The following BRD7 variants were observed in gnomAD, a reference collection of about 807,000 sequenced individuals.
BRD7 encodes the protein bromodomain containing 7.
A neutral mutation model predicts 82.1 loss-of-function variants in BRD7; 15 were observed. The observed-to-expected ratio is 0.18, with a 90% CI of 0.12 to 0.28. BRD7 has a LOEUF of 0.28. BRD7 is among the 10% of genes least tolerant of loss of function. BRD7 has a pLI of 1.00. For synonymous variants in BRD7, 232 were observed against 266.9 expected (o/e 0.87, Z 1.27); for missense variants, 638 against 779.9 (o/e 0.82, Z 2.17).
intron 6 of BRD7, among the ~76,000 whole-genome samples, chr16:50,335,801 T>A (rs1185782260): frequency 2.0e-5 from 3 of 152,226 alleles, no homozygotes; most frequent in Non-Finnish European, 2.9e-5. Flanking sequence ...CTGTCACTCA[T>A]GTTGGGCCTT....
chr16:50,345,819 G>T (rs1339163454), intron 5 of BRD7, among the ~76,000 whole-genome samples: 1 of 151,856 alleles, frequency 6.6e-6, no homozygotes, highest in Non-Finnish European at 1.5e-5. Flanking sequence ...CAATAATAAT[G>T]CAAAACTTTA....
intron 5 of BRD7, among the ~76,000 whole-genome samples, chr16:50,341,068 A>G (rs2038027600): frequency 6.6e-6 from 1 of 152,118 alleles, no homozygotes; most frequent in Non-Finnish European, 1.5e-5. Flanking sequence ...TAAATTTGGT[A>G]TTAAAGTGGA....
chr16:50,360,750 A>G (rs2038907067), intron 2 of BRD7, among the ~76,000 whole-genome samples: 1 of 152,224 alleles, frequency 6.6e-6, no homozygotes, highest in South Asian at 2.1e-4. Context: ...TGTCAGGTAA[A>G]TATTTGTTGA....
intron 12 of BRD7, 72 bp from the exon 13 acceptor site, chr16:50,322,110 T>C (rs1216015652): frequency 1.6e-6 from 2 of 1,261,626 alleles, no homozygotes; most frequent in Admixed American, 2.4e-5. Context: ...GAGAAAACTG[T>C]CAGGAGTTTC....
At chr16:50,330,337 CTTTTTTTTTTT>C (rs11360309) in intron 8 of BRD7, among the ~76,000 whole-genome samples, 2 of 53,950 alleles carry the variant, frequency 3.7e-5, no homozygotes, top group African/African-American at 1.1e-4. Context: ...AAAGAGGACA[CTTTTTTTTTTT>C]TTTTTTTTTT....
intron 7 of BRD7, 100 bp from the exon 8 acceptor site, chr16:50,333,797 A>AG (rs2037675319): frequency 9.7e-7 from 1 of 1,031,806 alleles, no homozygotes; most frequent in Non-Finnish European, 1.4e-6. Flanking sequence ...AAGTGGAGAC[A>AG]TTTGTACTAC....
At position 50,325,853 on chromosome 16, in the gene BRD7, G is replaced by A. The variant is rs893253395; in HGVS notation, c.1226C>T (p.Ser409Phe). Residue 409 changes from serine to phenylalanine, a missense_variant, in exon 11 of 17, where the codon TCT becomes TTT. Ser to Phe is a radical substitution (Grantham distance 155). This residue lies in a region of BRD7 where 402 missense variants were observed against 500.8 expected (regional missense o/e 0.80). Coordinates refer to ENST00000394688, the MANE Select transcript of BRD7 (RefSeq NM_013263.5). ...VLYLNYGPYS[S>F]YAPHYDSTFA... ...TGTGGAGTCATAATGCGGTGCATAA[G>A]AACTGTAGGGCCCATAATTCAAATA... is the stretch of plus-strand genomic sequence containing the variant. The A allele has an allele frequency of 1.2e-6, 2 of 1,609,008 alleles. No individual in the cohort carries two copies. The highest frequency in any genetic ancestry group is 2.2e-5 in the South Asian group (2 of 89,726).
In BRD7 at chr16:50,318,076, A is replaced by ATAAAGTACCAGTG. The variant is rs2036896530; in HGVS notation, c.*1122_*1134dup. Reference sequence around the variant, plus strand: ...TGTTTCAAAATGCTGTTTCATTTTTATAAAGTACCAGTGTTTAGCTGCTTT... The same window carrying ATAAAGTACCAGTG: ...TGTTTCAAAATGCTGTTTCATTTTTATAAAGTACCAGTGTAAAGTACCAGTGTTTAGCTGCTTT... On this transcript the variant is annotated 3_prime_UTR_variant, in exon 17 of 17. Coordinates refer to ENST00000394688, the MANE Select transcript of BRD7 (RefSeq NM_013263.5). 1 of 152,446 alleles carries ATAAAGTACCAGTG rather than the reference A, an allele frequency of 6.6e-6. No homozygotes were observed. The highest frequency in any genetic ancestry group is 2.1e-4 in the South Asian group (1 of 4,828). 9.4% of individuals were successfully genotyped at this position (152,446 alleles called of 1,614,324 possible).
intron 12 of BRD7, among the ~76,000 whole-genome samples, chr16:50,322,790 T>C (rs75328280): frequency 0.036 from 5,408 of 152,306 alleles, 320 homozygotes; most frequent in African/African-American, 0.12. Context: ...TAAAAAAATA[T>C]GTATTTTTTA....
At position 50,317,865 on chromosome 16, in the gene BRD7, A is replaced by C. The variant is rs2036879667; in HGVS notation, c.*1346T>G. ...TTAACTTTTGTGAAAATAATACCTA[A>C]GGTTTTCTGGCTTATTGAGGAAATT... is the stretch of plus-strand genomic sequence containing the variant. On this transcript the variant is annotated 3_prime_UTR_variant, in exon 17 of 17. Transcript: ENST00000394688. 6.6e-6 allele frequency: 1 copy of C among 151,930 alleles called. No homozygotes were observed. Among genetic ancestry groups the C allele is most frequent in the Non-Finnish European group, 1.5e-5 (1 of 67,942 alleles). 9.4% of individuals were successfully genotyped at this position (151,930 alleles called of 1,614,324 possible).
chr16:50,331,956 ACTC>A (rs2037583932), intron 8 of BRD7, among the ~76,000 whole-genome samples: 1 of 152,154 alleles, frequency 6.6e-6, no homozygotes, highest in African/African-American at 2.4e-5. Flanking sequence ...ATGAAACTGA[ACTC>A]CTATCTCTCA....
chr16:50,334,619 T>C lies in BRD7; in HGVS notation c.887+92A>G, dbSNP rs2037714572. On this transcript the variant is annotated intron_variant, in intron 7 of 16. Transcript: ENST00000394688. ...CCACCACCACCGACACACTAGCACT[T>C]GGTCTTCCCAAGTCAGGCCCCGAAT... The C allele has an allele frequency of 1.4e-5, 21 of 1,456,422 alleles. No homozygotes were observed. In the South Asian group the frequency reaches 2.6e-4, roughly 18 times the overall value. The allele number at this position is 1,456,422 out of a possible 1,614,324, so 90.2% of individuals were successfully genotyped here.
intron 8 of BRD7, among the ~76,000 whole-genome samples, chr16:50,332,589 CAAAGAACTAAAA>C (rs1199101699): frequency 3.9e-5 from 6 of 152,154 alleles, no homozygotes; most frequent in African/African-American, 1.4e-4. Flanking sequence ...GGAGATTTCC[CAAAGAACTAAAA>C]ATAGAATTAC....
intron 2 of BRD7, among the ~76,000 whole-genome samples, chr16:50,356,635 G>A (rs2038742352): frequency 6.6e-6 from 1 of 151,928 alleles, no homozygotes; most frequent in African/African-American, 2.4e-5. Context: ...CAGTACAGTG[G>A]TTCTATCAGA....
At chr16:50,344,010 C>T (rs569180572) in intron 5 of BRD7, among the ~76,000 whole-genome samples, 2 of 152,286 alleles carry the variant, frequency 1.3e-5, no homozygotes, top group South Asian at 2.1e-4. Flanking sequence ...GGAGGCACCT[C>T]CCTGTAGGGG....
Position 50,323,780 on chromosome 16 carries a change from G to A in BRD7, c.1332-82C>T, listed in dbSNP as rs1287517433. On this transcript the variant is annotated intron_variant, in intron 11 of 16. Coordinates refer to ENST00000394688, the MANE Select transcript of BRD7 (RefSeq NM_013263.5). The stretch of plus-strand genomic sequence containing the variant: ...CCATCAGAGCCAACTGTTTCCACTA[G>A]ATGTCCTCGGTTATACATCATGACA... The A allele has an allele frequency of 8.3e-6, 8 of 960,962 alleles. No homozygotes were observed. The African/African-American group carries it at 9.6e-5, about 12-fold the overall frequency. 59.5% of individuals were successfully genotyped at this position (960,962 alleles called of 1,614,324 possible). A position where few individuals can be genotyped will look rare whatever the true frequency, so the allele number is the denominator to read the frequency against.
chr16:50,321,805 T>C (rs968085905), intron 13 of BRD7, among the ~76,000 whole-genome samples, 177 bp downstream of exon 13: 1 of 152,174 alleles, frequency 6.6e-6, no homozygotes, highest in African/African-American at 2.4e-5. Context: ...AGAAACTGTA[T>C]AATTGTGCAA....
At chr16:50,325,944 T>G in intron 10 of BRD7, 61 bp from the exon 11 acceptor site, 8 of 1,481,844 alleles carry the variant, frequency 5.4e-6, no homozygotes, top group Non-Finnish European at 7.3e-6. Context: ...TCTATTTTGT[T>G]TTACCAAAAG....
chr16:50,365,268 A>G (rs1597105266), intron 2 of BRD7, among the ~76,000 whole-genome samples: 1 of 152,226 alleles, frequency 6.6e-6, no homozygotes, highest in African/African-American at 2.4e-5. Flanking sequence ...GGCAAAATCC[A>G]TCTCCTAGGA....
Sources: allele counts gnomAD v4.1 joint callset (sites outside exome capture counted in the v4.1 genomes callset), GRCh38; gene constraint gnomAD v4.1.1; regional missense constraint gnomAD v4.1.1; transcripts MANE v1.5; gene names NCBI Gene and HGNC (gene_info 2026-07-23, HGNC 2026-07-21).